The following ZNF236 variants were observed in gnomAD, a reference collection of about 807,000 sequenced individuals.
ZNF236 encodes the protein zinc finger protein 236.
ZNF236 carries 50 observed loss-of-function variants against 191.2 expected under a neutral mutation model. The ratio of observed to expected loss-of-function variants is 0.26; its 90% CI spans 0.21 to 0.33. The LOEUF (loss-of-function observed/expected upper bound fraction) is 0.33. ZNF236 is among the 10% of genes least tolerant of loss of function. ZNF236 has a pLI of 1.00. For synonymous variants in ZNF236, 907 were observed against 928.8 expected, an observed-to-expected ratio of 0.98 and a Z score of 0.43; for missense variants, 1,754 against 2,374.5, an observed-to-expected ratio of 0.74 and a Z score of 5.43.
intron 19 of ZNF236, among the ~76,000 whole-genome samples, chr18:76,917,357 C>T (rs1053574005): frequency 1.3e-5 from 2 of 152,298 alleles, no homozygotes; most frequent in Admixed American, 6.5e-5. Flanking sequence ...ATCTCTAAGC[C>T]GCTTTACATA....
intron 16 of ZNF236, 78 bp from the exon 17 acceptor site, chr18:76,912,166 A>C: frequency 9.6e-7 from 1 of 1,036,868 alleles, no homozygotes; most frequent in South Asian, 1.5e-5. Context: ...TCTTATCCTT[A>C]GTTCTTAGCT....
At chr18:76,929,621 T>C (rs1967796478) in intron 25 of ZNF236, among the ~76,000 whole-genome samples, 1 of 152,236 alleles carries the variant, frequency 6.6e-6, no homozygotes, top group South Asian at 2.1e-4. Context: ...ATAACTAATA[T>C]TTTAAGAATT....
In ZNF236 at chr18:76,869,508, A is replaced by G. The variant is rs1245992518; in HGVS notation, c.542+645A>G. On this transcript the variant is annotated intron_variant, in intron 4 of 30. Transcript: ENST00000320610. ...AACTTAACATGTTTTTAAAAATTTT[A>G]TATTTTGCCTAATTCCTGATAATAT... is the stretch of plus-strand genomic sequence containing the variant. Among the ~76,000 whole-genome samples, 4 of 152,308 alleles carry G rather than the reference A, an allele frequency of 2.6e-5. No homozygotes were observed. The East Asian group carries it at 5.8e-4, about 22-fold the overall frequency.
intron 25 of ZNF236, among the ~76,000 whole-genome samples, chr18:76,932,139 AAAT>A (rs1424487581): frequency 6.6e-6 from 1 of 152,188 alleles, no homozygotes. Context: ...AGTGACTATA[AAAT>A]TACAGCTGTA....
At chr18:76,864,667 T>A (rs1267837798) in intron 3 of ZNF236, among the ~76,000 whole-genome samples, 1 of 150,324 alleles carries the variant, frequency 6.7e-6, no homozygotes, top group East Asian at 1.9e-4. Context: ...GAAGCAGAAA[T>A]TATCATCTAG....
At chr18:76,946,962 A>G (rs1968278672) in intron 26 of ZNF236, among the ~76,000 whole-genome samples, 1 of 152,150 alleles carries the variant, frequency 6.6e-6, no homozygotes, top group African/African-American at 2.4e-5. Context: ...AACCATCACC[A>G]TGGTCTAATT....
chr18:76,859,420 A>G (rs1215489637), intron 3 of ZNF236, among the ~76,000 whole-genome samples: 1 of 152,000 alleles, frequency 6.6e-6, no homozygotes, highest in Non-Finnish European at 1.5e-5. Context: ...CTGCGTATTA[A>G]CCAGTTAGAT....
intron 28 of ZNF236, among the ~76,000 whole-genome samples, chr18:76,959,101 A>G (rs937525443): frequency 7.2e-5 from 11 of 152,278 alleles, no homozygotes; most frequent in Non-Finnish European, 1.2e-4. Flanking sequence ...CAAGTTGCCA[A>G]TCACAACAGG....
In ZNF236 at chr18:76,895,277, T is replaced by C; in HGVS notation, c.1682T>C (p.Leu561Pro). 1 of 1,599,340 alleles carries C rather than the reference T, an allele frequency of 6.3e-7. No individual in the cohort carries two copies. The highest frequency in any genetic ancestry group is 8.5e-7 in the Non-Finnish European group (1 of 1,179,764). Residue 561 changes from leucine to proline, a missense_variant, in exon 10 of 31, where the codon CTG becomes CCG. Physicochemically the swap from Leu to Pro is moderately conservative, Grantham distance 98. Around this residue, in one of 5 missense-constraint regions of ZNF236, gnomAD observed 641 missense variants for 869.6 expected, o/e 0.74. Coordinates refer to ENST00000320610, the MANE Select transcript of ZNF236 (RefSeq NM_001306089.2). ...TSGSLKVHIR[L>P]HTGVRPFACP... is the part of the protein sequence containing the mutation. ...GGCAGCCTCAAGGTGCACATTCGCC[T>C]GCACACAGGTATGGCCTCAGGGCTG...
chr18:76,825,936 A>G (rs1413411797), intron 1 of ZNF236, among the ~76,000 whole-genome samples: 1 of 152,192 alleles, frequency 6.6e-6, no homozygotes, highest in Non-Finnish European at 1.5e-5. Context: ...GAATGTATCA[A>G]GGGGTCCTGA....
At chr18:76,837,161 G>T (rs1975359750) in intron 1 of ZNF236, among the ~76,000 whole-genome samples, 1 of 106,518 alleles carries the variant, frequency 9.4e-6, no homozygotes, top group Non-Finnish European at 1.9e-5. Flanking sequence ...CTCCCAAAGT[G>T]CTGGAATTAC....
chr18:76,932,751 A>G (rs1212158788), intron 25 of ZNF236, among the ~76,000 whole-genome samples: 1 of 152,184 alleles, frequency 6.6e-6, no homozygotes, highest in African/African-American at 2.4e-5. Flanking sequence ...GTTGGGTTGT[A>G]GAGGTTTCAG....
chr18:76,823,010 G>A (rs2122342348), intron 1 of ZNF236, among the ~76,000 whole-genome samples: 1 of 149,276 alleles, frequency 6.7e-6, no homozygotes, highest in South Asian at 2.1e-4. Flanking sequence ...GAGGGAAAGT[G>A]GCCGCCCCGT....
intron 5 of ZNF236, among the ~76,000 whole-genome samples, chr18:76,872,574 A>G (rs1325474981): frequency 3.3e-5 from 5 of 152,226 alleles, no homozygotes; most frequent in Non-Finnish European, 7.3e-5. Flanking sequence ...CATTGAAATA[A>G]TAAAACTATT....
intron 27 of ZNF236, among the ~76,000 whole-genome samples, chr18:76,952,009 T>C (rs1404457365): frequency 6.6e-6 from 1 of 152,190 alleles, no homozygotes; most frequent in African/African-American, 2.4e-5. Flanking sequence ...TTGTGGTGCC[T>C]CAACACAATT....
At chr18:76,858,476 A>G (rs1279813965) in intron 3 of ZNF236, among the ~76,000 whole-genome samples, 1 of 152,238 alleles carries the variant, frequency 6.6e-6, no homozygotes, top group Non-Finnish European at 1.5e-5. Flanking sequence ...TTCATTTCAC[A>G]AAACAGTGAT....
intron 25 of ZNF236, among the ~76,000 whole-genome samples, chr18:76,934,744 G>A (rs922817563): frequency 6.6e-6 from 1 of 152,216 alleles, no homozygotes; most frequent in Non-Finnish European, 1.5e-5. Context: ...TTGGGAACGA[G>A]GGGCTACCCC....
intron 20 of ZNF236, among the ~76,000 whole-genome samples, chr18:76,921,242 G>A (rs1025922924): frequency 2.0e-5 from 3 of 152,184 alleles, no homozygotes; most frequent in African/African-American, 4.8e-5. Context: ...GTGACAATGA[G>A]GGAGGTCACT....
chr18:76,885,269 GT>G (rs1368353606), intron 9 of ZNF236: 1 of 152,322 alleles, frequency 6.6e-6, no homozygotes, highest in Non-Finnish European at 1.5e-5. Context: ...GTGTCACTGT[GT>G]AACCACATAA....
Sources: allele counts gnomAD v4.1 joint callset (sites outside exome capture counted in the v4.1 genomes callset), GRCh38; gene constraint gnomAD v4.1.1; regional missense constraint gnomAD v4.1.1; transcripts MANE v1.5; gene names NCBI Gene and HGNC (gene_info 2026-07-23, HGNC 2026-07-21).